MDGA2: variants seen among roughly 807,000 people sequenced by gnomAD.
The protein encoded by MDGA2 is MAM domain containing glycosylphosphatidylinositol anchor 2.
Under a neutral mutation model 117.8 loss-of-function variants are expected in MDGA2, and 40 were observed. That is an observed-to-expected ratio of 0.34 (90% CI 0.26 to 0.44). The LOEUF (loss-of-function observed/expected upper bound fraction) is 0.44. Among genes scored for constraint, MDGA2 ranks in the 20% least tolerant of loss-of-function variants. The pLI is 1.00. For synonymous variants in MDGA2, 452 were observed against 439.0 expected (o/e 1.03, Z -0.37); for missense variants, 1,123 against 1,250.6 (o/e 0.90, Z 1.54).
chr14:47,318,232 G>A (rs1889867602), intron 1 of MDGA2, among the ~76,000 whole-genome samples: 1 of 150,092 alleles, frequency 6.7e-6, no homozygotes, highest in South Asian at 2.1e-4. Context: ...CACTTTAAAA[G>A]TAAAATTGTC....
chr14:47,611,936 C>G (rs1199005385), intron 1 of MDGA2, among the ~76,000 whole-genome samples: 1 of 152,124 alleles, frequency 6.6e-6, no homozygotes, highest in Non-Finnish European at 1.5e-5. Context: ...GCTCAGTAAA[C>G]AGAGAAACAC....
At position 47,464,100 on chromosome 14, in the gene MDGA2, T is replaced by TACACACAC. The variant is rs71449610; in HGVS notation, c.281-162558_281-162551dup. 7.1e-3 allele frequency among the ~76,000 whole-genome samples: 1,007 copies of TACACACAC among 141,578 alleles called. 7 individuals carry two copies. The highest frequency in any genetic ancestry group is 0.022 in the Middle Eastern group (6 of 272). 92.9% of individuals were successfully genotyped at this position (141,578 alleles called of 152,430 possible). A position where few individuals can be genotyped will look rare whatever the true frequency, so the allele number is the denominator to read the frequency against. ...TAAAATTCATTTCTCACTTACTATGTACACACACACACACACACACACACA... is the reference window on the plus strand; with the variant it reads ...TAAAATTCATTTCTCACTTACTATGTACACACACACACACACACACACACACACACACA... On this transcript the variant is annotated intron_variant, in intron 1 of 16. Transcript: ENST00000399232.
At chr14:47,513,020 T>G (rs1894674112) in intron 1 of MDGA2, among the ~76,000 whole-genome samples, 2 of 152,238 alleles carry the variant, frequency 1.3e-5, no homozygotes, top group South Asian at 4.1e-4. Flanking sequence ...GTACCTCATC[T>G]TCAAGATAAG....
chr14:47,173,577 T>C (rs1481975592), intron 3 of MDGA2, among the ~76,000 whole-genome samples: 1 of 152,172 alleles, frequency 6.6e-6, no homozygotes, highest in African/African-American at 2.4e-5. Context: ...AGAAATAAAA[T>C]ACTTTACAGA....
At chr14:47,212,888 C>T (rs1594726723) in intron 3 of MDGA2, among the ~76,000 whole-genome samples, 1 of 152,078 alleles carries the variant, frequency 6.6e-6, no homozygotes, top group Non-Finnish European at 1.5e-5. Context: ...GAGAATTTGT[C>T]TCTAAAATAT....
At chr14:47,336,154 G>A (rs1890450420) in intron 1 of MDGA2, among the ~76,000 whole-genome samples, 1 of 151,902 alleles carries the variant, frequency 6.6e-6, no homozygotes, top group South Asian at 2.1e-4. Flanking sequence ...TGAGGCTCAG[G>A]AAAAGGTCAG....
intron 2 of MDGA2, among the ~76,000 whole-genome samples, chr14:47,218,417 G>T (rs1438739996): frequency 6.6e-6 from 1 of 152,090 alleles, no homozygotes; most frequent in Non-Finnish European, 1.5e-5. Flanking sequence ...CAATTGCATA[G>T]AATTCATCAA....
At chr14:46,945,021 A>AT (rs1359324241) in intron 9 of MDGA2, among the ~76,000 whole-genome samples, 9 of 151,994 alleles carry the variant, frequency 5.9e-5, no homozygotes, top group African/African-American at 1.9e-4. Flanking sequence ...ATGTCAGGTA[A>AT]TTTTTTATTG....
chr14:47,127,488 T>C (rs1012223818), intron 5 of MDGA2, among the ~76,000 whole-genome samples: 4 of 152,106 alleles, frequency 2.6e-5, no homozygotes, highest in Admixed American at 1.3e-4. Flanking sequence ...CCAGTTTGAA[T>C]GTGTAAAGTA....
chr14:47,268,736 A>G (rs1888047788), intron 2 of MDGA2, among the ~76,000 whole-genome samples: 1 of 152,174 alleles, frequency 6.6e-6, no homozygotes, highest in Non-Finnish European at 1.5e-5. Flanking sequence ...CTACCCTGTG[A>G]TGATCTGATG....
intron 8 of MDGA2, among the ~76,000 whole-genome samples, chr14:46,995,108 G>A (rs924029360): frequency 3.3e-5 from 5 of 151,966 alleles, no homozygotes; most frequent in African/African-American, 4.8e-5. Flanking sequence ...CAGAGATGGC[G>A]ATAAATATTT....
chr14:47,095,934 C>A (rs1879940258), intron 6 of MDGA2, among the ~76,000 whole-genome samples: 1 of 151,970 alleles, frequency 6.6e-6, no homozygotes, highest in Non-Finnish European at 1.5e-5. Context: ...CTTTTAACTT[C>A]AGAGGCCTCA....
chr14:47,282,570 C>T (rs1455223038), intron 2 of MDGA2, among the ~76,000 whole-genome samples: 2 of 151,852 alleles, frequency 1.3e-5, no homozygotes, highest in East Asian at 3.9e-4. Context: ...TGGCGGCAGG[C>T]GCCGGTAGTC....
At chr14:47,411,809 C>T (rs1892377881) in intron 1 of MDGA2, among the ~76,000 whole-genome samples, 1 of 152,168 alleles carries the variant, frequency 6.6e-6, no homozygotes, top group Non-Finnish European at 1.5e-5. Flanking sequence ...GGCATCCGTT[C>T]CTATATTGGA....
At chr14:46,861,655 A>G (rs1288834972) in intron 14 of MDGA2, among the ~76,000 whole-genome samples, 1 of 151,942 alleles carries the variant, frequency 6.6e-6, no homozygotes, top group African/African-American at 2.4e-5. Context: ...CAACTGATTG[A>G]AATAAATCTT....
chr14:47,138,848 A>G (rs1418592405), intron 4 of MDGA2, among the ~76,000 whole-genome samples: 2 of 152,072 alleles, frequency 1.3e-5, no homozygotes, highest in Non-Finnish European at 2.9e-5. Flanking sequence ...AAGTGAGTGG[A>G]AGGACGAAAA....
intron 1 of MDGA2, among the ~76,000 whole-genome samples, chr14:47,378,236 G>C (rs980728372): frequency 6.6e-6 from 1 of 152,150 alleles, no homozygotes; most frequent in African/African-American, 2.4e-5. Context: ...ACCAAAGGTA[G>C]ATAAAACCAC....
At chr14:47,343,056 G>C in intron 1 of MDGA2, 1 of 1,286,716 alleles carries the variant, frequency 7.8e-7, no homozygotes, top group South Asian at 1.2e-5. Flanking sequence ...TGAGTCCTGC[G>C]GCAGATCCCA....
At chr14:47,593,642 C>T (rs1258731290) in intron 1 of MDGA2, among the ~76,000 whole-genome samples, 1 of 152,092 alleles carries the variant, frequency 6.6e-6, no homozygotes, top group Non-Finnish European at 1.5e-5. Flanking sequence ...AAATCAAACA[C>T]CACATGTTCT....
Sources: allele counts gnomAD v4.1 joint callset (sites outside exome capture counted in the v4.1 genomes callset), GRCh38; gene constraint gnomAD v4.1.1; transcripts MANE v1.5; gene names NCBI Gene and HGNC (gene_info 2026-07-23, HGNC 2026-07-21).